The following OBSL1 variants were observed in gnomAD, a reference collection of about 807,000 sequenced individuals.
OBSL1 encodes obscurin-like protein 1.
In OBSL1, 160 loss-of-function variants were observed where a neutral mutation model predicts 172.0. That is an observed-to-expected ratio of 0.93 (90% CI 0.82 to 1.06). The LOEUF (loss-of-function observed/expected upper bound fraction) is 1.06. OBSL1 is among the 50% of genes least tolerant of loss of function. The pLI is 0.00. For missense variants in OBSL1, 2,681 were observed against 2,715.4 expected, an observed-to-expected ratio of 0.99 and a Z score of 0.28; for synonymous variants, 1,200 against 1,196.3, an observed-to-expected ratio of 1.00 and a Z score of -0.06.
At chr2:219,547,669 C>T, downstream of OBSL1, 1 of 1,539,888 alleles carries the variant, frequency 6.5e-7, no homozygotes, top group Non-Finnish European at 8.7e-7. Context: ...GGCTGGTGGC[C>T]ATGCTAGTGC....
At chr2:219,551,487 G>A (rs899359969) in intron 20 of OBSL1, 42 bp downstream of exon 20, 62 of 1,531,936 alleles carry the variant, frequency 4.0e-5, no homozygotes, top group Non-Finnish European at 5.2e-5. Flanking sequence ...CAGCTCCCAG[G>A]CGCCCTCACC....
In OBSL1 at chr2:219,552,752, C is replaced by T. The variant is rs944594030; in HGVS notation, c.5147-55G>A. 1.5e-5 allele frequency: 23 copies of T among 1,512,314 alleles called. No homozygotes were observed. In the Admixed American group the frequency reaches 2.0e-4, roughly 13 times the overall value. 93.7% of individuals were successfully genotyped at this position (1,512,314 alleles called of 1,614,324 possible). On this transcript the variant is annotated intron_variant, in intron 17 of 20. Coordinates refer to ENST00000404537, the MANE Select transcript of OBSL1 (RefSeq NM_015311.3). ...CGGGGCAGAGGGCAGTTACCGGTCA[C>T]GCCCCCTCCACGCCCCCTTTCTAGA...
Position 219,563,446 on chromosome 2 carries a change from G to A in OBSL1, c.2589C>T (p.Arg863=), listed in dbSNP as rs766240422. The change falls in exon 7 of 21, where the codon CGC becomes CGT. Residue 863 remains arginine (R), a synonymous_variant. Coordinates refer to ENST00000404537, the MANE Select transcript of OBSL1 (RefSeq NM_015311.3). Reference sequence around the variant, plus strand: ...AGGGCTGGGTGGCGGGCAGCACCAGGCGGCGATGGGGCCCCTCATTCTCCA... The same window carrying A: ...AGGGCTGGGTGGCGGGCAGCACCAGACGGCGATGGGGCCCCTCATTCTCCA... ...VVLENEGPHR[R]LVLPATQPSD... is the part of the protein sequence containing the mutation. 1.9e-6 allele frequency: 3 copies of A among 1,613,810 alleles called. No individual in the cohort carries two copies. Among genetic ancestry groups the A allele is most frequent in the Non-Finnish European group, 2.5e-6 (3 of 1,179,782 alleles).
At chr2:219,555,808 A>G in intron 14 of OBSL1, 1 of 1,398,918 alleles carries the variant, frequency 7.1e-7, no homozygotes, top group Non-Finnish European at 9.3e-7. Flanking sequence ...GAAATATGCA[A>G]TGGAATGCAA....
In OBSL1 at chr2:219,570,371, G is replaced by A. The variant is rs753978657; in HGVS notation, c.862C>T (p.Pro288Ser). ...CGGTACATGAGGCGGCGGCGGTCCG[G>A]GAGCAGCGGGCGGCCCTCCCAGTGC... ...EWHWEGRPLL[P>S]DRRRLMYRDR... The change falls in exon 1 of 21, where the codon CCG becomes TCG. Residue 288 changes from proline to serine, a missense_variant. This residue lies in a region of OBSL1 where 706 missense variants were observed against 695.8 expected (regional missense o/e 1.01). Transcript: ENST00000404537. 3 of 1,612,960 alleles carry A rather than the reference G, an allele frequency of 1.9e-6. No homozygotes were observed. Among genetic ancestry groups the A allele is most frequent in the Admixed American group, 3.3e-5 (2 of 59,994 alleles).
downstream of OBSL1, chr2:219,549,863 G>A (rs750413176): frequency 3.1e-6 from 5 of 1,613,220 alleles, no homozygotes; most frequent in African/African-American, 6.7e-5. Context: ...AGCCATATCT[G>A]TCTGTCTAGA....
Position 219,551,748 on chromosome 2 carries a change from C to T in OBSL1, c.5464G>A (p.Val1822Met). The T allele has an allele frequency of 1.9e-6, 3 of 1,599,586 alleles. No individual in the cohort carries two copies. Among genetic ancestry groups the T allele is most frequent in the South Asian group, 2.2e-5 (2 of 90,708 alleles). The change falls in exon 20 of 21, where the codon GTG becomes ATG. Residue 1822 changes from valine (V) to methionine (M), a missense_variant. By Grantham distance (21) the Val-to-Met change is conservative. Around this residue, in one of 5 missense-constraint regions of OBSL1, gnomAD observed 1,765 missense variants for 1,748.3 expected, o/e 1.01. Transcript: ENST00000404537. ...ACCTCCAGCACCGCCCGGCGGCCCA[C>T]CAGAACGGTCTTCTCGCGAGGGGGG... ...RHPPREKTVL[V>M]GRRAVLEVTV... is the part of the protein sequence containing the mutation.
At position 219,557,419 on chromosome 2, in the gene OBSL1, C is replaced by G. The variant is rs770585074; in HGVS notation, c.3990G>C (p.Gly1330=). The change falls in exon 12 of 21, where the codon GGG becomes GGC. Residue 1330 remains glycine (G), a synonymous_variant. Transcript: ENST00000404537. ...ACTCCCCAGCGTCCCCGCTCCGTGC[C>G]CCCTGCACCCGCAGCACCTGCCTGG... is the stretch of plus-strand genomic sequence containing the variant. ...AGARQVLRVQ[G]ARSGDAGEYL... is the part of the protein sequence containing the mutation. 1 of 1,549,134 alleles carries G rather than the reference C, an allele frequency of 6.5e-7. No individual in the cohort carries two copies. The highest frequency in any genetic ancestry group is 1.2e-5 in the South Asian group (1 of 83,934).
chr2:219,556,485 G>T lies in OBSL1; in HGVS notation c.4305C>A (p.Ser1435Arg). 6.2e-7 allele frequency: 1 copy of T among 1,613,806 alleles called. No homozygotes were observed. The highest frequency in any genetic ancestry group is 8.5e-7 in the Non-Finnish European group (1 of 1,179,882). ...CATGGAGCCGGGCACTTGTGGCCGT[G>T]CTCCCTGCCCGCAAAGTCACGGTCC... ...DAGTVTLRAG[S>R]TATSARLHVR... The change falls in exon 13 of 21, where the codon AGC becomes AGA. Residue 1435 changes from serine to arginine, a missense_variant. Coordinates refer to ENST00000404537, the MANE Select transcript of OBSL1 (RefSeq NM_015311.3).
rs1229703575 is a variant in OBSL1 at position 219,570,226 on chromosome 2, A to C, written c.1007T>G (p.Val336Gly). 1.3e-6 allele frequency: 2 copies of C among 1,554,750 alleles called. No individual in the cohort carries two copies. The highest frequency in any genetic ancestry group is 1.7e-6 in the Non-Finnish European group (2 of 1,148,742). Residue 336 changes from valine (V) to glycine (G), a missense_variant, in exon 1 of 21, where the codon GTG becomes GGG. Physicochemically the swap from Val to Gly is moderately radical, Grantham distance 109. Around this residue, in one of 5 missense-constraint regions of OBSL1, gnomAD observed 706 missense variants for 695.8 expected, o/e 1.01. Coordinates refer to ENST00000404537, the MANE Select transcript of OBSL1 (RefSeq NM_015311.3). Reference protein sequence around the residue: ...GQTLSAVQLHVKEPRLRFTRP... With the variant: ...GQTLSAVQLHGKEPRLRFTRP... ...GGTCCCGGGCTCCGCCGTACCTTTC[A>C]CGTGCAGCTGCACGGCACTGAGCGT...
At position 219,558,238 on chromosome 2, in the gene OBSL1, C is replaced by T; in HGVS notation, c.3448G>A (p.Glu1150Lys). The T allele has an allele frequency of 2.5e-6, 4 of 1,610,550 alleles. No individual in the cohort carries two copies. Among genetic ancestry groups the T allele is most frequent in the Middle Eastern group, 1.7e-4 (1 of 6,052 alleles). The change falls in exon 10 of 21, where the codon GAG becomes AAG. Residue 1150 changes from glutamate (E) to lysine (K), a missense_variant. By Grantham distance (56) the Glu-to-Lys change is moderately conservative (BLOSUM62 1). Coordinates refer to ENST00000404537, the MANE Select transcript of OBSL1 (RefSeq NM_015311.3). ...LPHAQPEDAGEYVCETRHEAI... is the reference protein window; with the variant it reads ...LPHAQPEDAGKYVCETRHEAI... The stretch of plus-strand genomic sequence containing the variant: ...TCATGCCGGGTCTCACACACATACT[C>T]CCCGGCGTCCTCAGGCTGGGCGTGG...
chr2:219,570,240 G>T lies in OBSL1; in HGVS notation c.993C>A (p.Ala331=), dbSNP rs771686909. The T allele has an allele frequency of 3.0e-5, 47 of 1,573,490 alleles. No homozygotes were observed. Among genetic ancestry groups the T allele is most frequent in the African/African-American group, 5.4e-5 (4 of 74,158 alleles). ...CCGTACCTTTCACGTGCAGCTGCAC[G>T]GCACTGAGCGTCTGGCCCGCCGAGT... is the stretch of plus-strand genomic sequence containing the variant. ...ARNSAGQTLS[A]VQLHVKEPRL... Residue 331 remains alanine (A), a synonymous_variant, in exon 1 of 21, where the codon GCC becomes GCA. Coordinates refer to ENST00000404537, the MANE Select transcript of OBSL1 (RefSeq NM_015311.3).
chr2:219,550,524 TTCTG>T (rs1695545178), downstream of OBSL1: 2 of 414,864 alleles, frequency 4.8e-6, no homozygotes, highest in Non-Finnish European at 8.8e-6. Context: ...CACCTCATGC[TTCTG>T]TCTCCCCCAC....
At position 219,552,148 on chromosome 2, in the gene OBSL1, C is replaced by G. The variant is rs557865696; in HGVS notation, c.5377G>C (p.Gly1793Arg). 1.2e-6 allele frequency: 2 copies of G among 1,611,908 alleles called. No homozygotes were observed. Among genetic ancestry groups the G allele is most frequent in the Admixed American group, 3.3e-5 (2 of 59,842 alleles). The change falls in exon 19 of 21, where the codon GGG becomes CGG. Residue 1793 changes from glycine to arginine, a missense_variant. Gly to Arg is a moderately radical substitution (Grantham distance 125). Transcript: ENST00000404537. ...AGTAGAGCCAGGGACTGGGCGGGCCCCGCCTGGAAGCGGACTTCACCGGCG... is the reference window on the plus strand; with the variant it reads ...AGTAGAGCCAGGGACTGGGCGGGCCGCGCCTGGAAGCGGACTTCACCGGCG... ...EDAGEVRFQA[G>R]PAQSLALLEV...
chr2:219,555,822 C>A, intron 14 of OBSL1, 198 bp downstream of exon 14: 1 of 1,403,638 alleles, frequency 7.1e-7, no homozygotes, highest in Non-Finnish European at 9.3e-7. Flanking sequence ...AATGCAAAAT[C>A]CACATGGACT....
In OBSL1 at chr2:219,567,767, G is replaced by A. The variant is rs576856771; in HGVS notation, c.1485C>T (p.Val495=). Residue 495 remains valine (V), a synonymous_variant, in exon 3 of 21, where the codon GTC becomes GTT. Coordinates refer to ENST00000404537, the MANE Select transcript of OBSL1 (RefSeq NM_015311.3). ...TACGGGAGTTGCCCAGGCTAAAGGT[G>A]ACCTCGCCAGCATCCTCTCGGGTGA... ...PGVTREDAGE[V]TFSLGNSRTT... 5 of 1,613,724 alleles carry A rather than the reference G, an allele frequency of 3.1e-6. No individual in the cohort carries two copies. The highest frequency in any genetic ancestry group is 4.2e-6 in the Non-Finnish European group (5 of 1,179,796).
At chr2:219,564,698 G>A (rs1402789554) in intron 6 of OBSL1, among the ~76,000 whole-genome samples, 2 of 152,252 alleles carry the variant, frequency 1.3e-5, no homozygotes, top group Non-Finnish European at 2.9e-5. Flanking sequence ...CAGCTGCTCA[G>A]GAGGCTGAGG....
intron 7 of OBSL1, 76 bp downstream of exon 7, chr2:219,563,279 G>A: frequency 4.2e-6 from 6 of 1,414,008 alleles, no homozygotes; most frequent in East Asian, 2.5e-5. Context: ...TGGCCTGGGA[G>A]TGAAGGTGTG....
Position 219,571,463 on chromosome 2 carries a change from G to C in OBSL1, c.-231C>G, listed in dbSNP as rs1004751360. ...CCCGGGCCCGAAGCCTGGCGCTCAG[G>C]GGGCAGTCCTTCCTGTTTGCCTCTC... On this transcript the variant is annotated 5_prime_UTR_variant, in exon 1 of 21. Transcript: ENST00000404537. The C allele has an allele frequency of 3.3e-6, 1 of 302,380 alleles. No homozygotes were observed. The highest frequency in any genetic ancestry group is 6.1e-6 in the Non-Finnish European group (1 of 164,856). 18.7% of individuals were successfully genotyped at this position (302,380 alleles called of 1,614,324 possible). A position where few individuals can be genotyped will look rare whatever the true frequency, so the allele number is the denominator to read the frequency against.
Sources: allele counts gnomAD v4.1 joint callset (sites outside exome capture counted in the v4.1 genomes callset), GRCh38; gene constraint gnomAD v4.1.1; regional missense constraint gnomAD v4.1.1; transcripts MANE v1.5; gene names NCBI Gene and HGNC (gene_info 2026-07-23, HGNC 2026-07-21).